The following KDM6A variants were observed in gnomAD, a reference collection of about 807,000 sequenced individuals.
KDM6A encodes lysine demethylase 6A.
A neutral mutation model predicts 117.6 loss-of-function variants in KDM6A; 11 were observed. The observed-to-expected ratio is 0.09, with a 90% CI of 0.06 to 0.15. The LOEUF is 0.15. Among genes scored for constraint, KDM6A ranks in the 10% least tolerant of loss-of-function variants. KDM6A has a pLI of 1.00. For missense variants in KDM6A, 799 were observed against 1,077.3 expected (o/e 0.74, Z 3.62); for synonymous variants, 384 against 396.1 (o/e 0.97, Z 0.36).
intron 3 of KDM6A, among the ~76,000 whole-genome samples, chrX:44,969,708 G>A (rs2039241263): frequency 9.0e-6 from 1 of 111,232 alleles, no homozygotes; most frequent in African/African-American, 3.3e-5. Context: ...GAGCCACTGC[G>A]CCCGGCCCTC....
chrX:45,082,636 G>A lies in KDM6A; in HGVS notation c.3361G>A (p.Asp1121Asn). 8.5e-7 allele frequency: 1 copy of A among 1,182,044 alleles called. No homozygotes were observed. Among genetic ancestry groups the A allele is most frequent in the South Asian group, 1.8e-5 (1 of 56,266 alleles). The change falls in exon 22 of 30, where the codon GAT becomes AAT. Residue 1121 changes from aspartate (D) to asparagine (N), a missense_variant. Coordinates refer to ENST00000611820, the MANE Select transcript of KDM6A (RefSeq NM_001291415.2). ...DHSDSESTSSDNSGRRRKGPF... is the reference protein window; with the variant it reads ...DHSDSESTSSNNSGRRRKGPF... ...CTCAGATAGTGAATCTACATCGTCA[G>A]ATAAGTAAGTCATTTTTAATGTCCA...
chrX:45,089,683 G>A lies in KDM6A; in HGVS notation c.3705-60G>A, dbSNP rs141013264. The stretch of plus-strand genomic sequence containing the variant: ...AAAAAATTTGTGACATTTTCTTCCA[G>A]TCTTACTAGGAGCTTCTTAATGTAG... On this transcript the variant is annotated intron_variant, in intron 25 of 29. Coordinates refer to ENST00000611820, the MANE Select transcript of KDM6A (RefSeq NM_001291415.2). 2.8e-5 allele frequency: 24 copies of A among 843,365 alleles called. No homozygotes were observed. In the Middle Eastern group the frequency reaches 1.4e-3, roughly 50 times the overall value. 69.5% of individuals were successfully genotyped at this position (843,365 alleles called of 1,213,427 possible). A position where few individuals can be genotyped will look rare whatever the true frequency, so the allele number is the denominator to read the frequency against.
At chrX:45,094,519 G>A (rs773331090) in intron 27 of KDM6A, among the ~76,000 whole-genome samples, 4 of 111,814 alleles carry the variant, frequency 3.6e-5, no homozygotes, top group South Asian at 3.7e-4. Context: ...GCACAGTTAC[G>A]TTTTCATCCA....
intron 3 of KDM6A, among the ~76,000 whole-genome samples, chrX:44,966,901 G>A (rs1331615982): frequency 2.3e-5 from 2 of 86,654 alleles, no homozygotes; most frequent in East Asian, 3.4e-4. Context: ...ACAGAGTCTC[G>A]CTCTGTCGCC....
At chrX:44,957,089 C>T (rs1602339418) in intron 2 of KDM6A, among the ~76,000 whole-genome samples, 2 of 109,965 alleles carry the variant, frequency 1.8e-5, no homozygotes, top group East Asian at 5.7e-4. Context: ...GAGACCACAC[C>T]GTTGCACTCC....
intron 8 of KDM6A, among the ~76,000 whole-genome samples, chrX:45,042,815 A>T (rs779887676): frequency 1.8e-5 from 2 of 111,773 alleles, no homozygotes; most frequent in Non-Finnish European, 3.8e-5. Context: ...CCCACTAATA[A>T]ATGAAGAAGG....
In KDM6A at chrX:44,873,599, C is replaced by T. The variant is rs772375300; in HGVS notation, c.48C>T (p.Ala16=). 1.7e-6 allele frequency: 2 copies of T among 1,205,882 alleles called. No homozygotes were observed. The highest frequency in any genetic ancestry group is 2.2e-6 in the Non-Finnish European group (2 of 893,287). ...VSLATAAAAA[A]AFGDEEKKMA... Reference sequence around the variant, plus strand: ...TCGCTACCGCCGCCGCTGCCGCCGCCGCTTTCGGTGATGAGGAAAAGAAAA... The same window carrying T: ...TCGCTACCGCCGCCGCTGCCGCCGCTGCTTTCGGTGATGAGGAAAAGAAAA... Residue 16 remains alanine, a synonymous_variant, in exon 1 of 30, where the codon GCC becomes GCT. Coordinates refer to ENST00000611820, the MANE Select transcript of KDM6A (RefSeq NM_001291415.2).
Position 45,063,827 on chromosome X carries a change from G to A in KDM6A, c.2079+10G>A, listed in dbSNP as rs774487550. On this transcript the variant is annotated intron_variant, in intron 17 of 29. Transcript: ENST00000611820. ...ATCTAACTCCACTCAGGTAATAGGA[G>A]GACTAGCTTCCTTGTTGGCTTTTCA... is the stretch of plus-strand genomic sequence containing the variant. 2 of 1,181,568 alleles carry A rather than the reference G, an allele frequency of 1.7e-6. No individual in the cohort carries two copies. Among genetic ancestry groups the A allele is most frequent in the Non-Finnish European group, 2.3e-6 (2 of 876,619 alleles).
At chrX:45,046,210 T>TA (rs2043530702) in intron 8 of KDM6A, among the ~76,000 whole-genome samples, 1 of 111,938 alleles carries the variant, frequency 8.9e-6, no homozygotes, top group African/African-American at 3.2e-5. Flanking sequence ...CAAATTATTA[T>TA]CACCATAGAT....
rs185310350 is a variant in KDM6A at position 44,960,109 on chromosome X, G to C, written c.226-1175G>C. Among the ~76,000 whole-genome samples the C allele has an allele frequency of 1.6e-4, 18 of 111,749 alleles. No homozygotes were observed. In the East Asian group the frequency reaches 3.6e-3, roughly 22 times the overall value. ...GAGGAAAAATGAAGGCATTCGAAGTGAGTACTCTGTCCCACATCACATTTT... is the reference window on the plus strand; with the variant it reads ...GAGGAAAAATGAAGGCATTCGAAGTCAGTACTCTGTCCCACATCACATTTT... On this transcript the variant is annotated intron_variant, in intron 2 of 29. Transcript: ENST00000611820.
chrX:45,105,283 AT>A (rs903642166), intron 27 of KDM6A, among the ~76,000 whole-genome samples: 11 of 111,944 alleles, frequency 9.8e-5, no homozygotes, highest in Admixed American at 9.5e-4. Context: ...CTTTTTCCCC[AT>A]TTGCAAGATA....
intron 2 of KDM6A, among the ~76,000 whole-genome samples, chrX:44,906,697 C>CGAGAGA (rs768809117): frequency 9.3e-6 from 1 of 107,775 alleles, no homozygotes; most frequent in Non-Finnish European, 1.9e-5. Context: ...AGAGAGAGAG[C>CGAGAGA]GAGAGAGAGA....
chrX:44,905,357 C>T (rs764145057), intron 2 of KDM6A, among the ~76,000 whole-genome samples: 1 of 112,311 alleles, frequency 8.9e-6, no homozygotes, highest in South Asian at 3.6e-4. Flanking sequence ...ATATTTACCA[C>T]TGTGTTACAT....
rs971412556 is a variant in KDM6A, at chrX:45,052,452, T to A, written c.748+650T>A. On this transcript the variant is annotated intron_variant, in intron 9 of 29. Transcript: ENST00000611820. ...CATTGTAGCAGTATGAATGTTTTCATAATGTAACTATTTTTACATAGTTTT... is the reference window on the plus strand; with the variant it reads ...CATTGTAGCAGTATGAATGTTTTCAAAATGTAACTATTTTTACATAGTTTT... Among the ~76,000 whole-genome samples the A allele has an allele frequency of 3.6e-5, 4 of 112,210 alleles. No individual in the cohort carries two copies. The Admixed American group carries it at 3.8e-4, about 11-fold the overall frequency.
chrX:45,078,054 T>C (rs1287640190), intron 19 of KDM6A, among the ~76,000 whole-genome samples: 1 of 112,449 alleles, frequency 8.9e-6, no homozygotes, highest in African/African-American at 3.2e-5. Flanking sequence ...TTATTTCACT[T>C]AACATAATGT....
At chrX:45,012,161 A>T (rs2041787627) in intron 5 of KDM6A, among the ~76,000 whole-genome samples, 1 of 106,624 alleles carries the variant, frequency 9.4e-6, no homozygotes, top group African/African-American at 3.4e-5. Context: ...ATCAAGTGAG[A>T]TACAGTACAT....
At chrX:45,035,498 AT>A (rs1223169629) in intron 7 of KDM6A, among the ~76,000 whole-genome samples, 1 of 110,928 alleles carries the variant, frequency 9.0e-6, no homozygotes, top group Non-Finnish European at 1.9e-5. Flanking sequence ...CTAACAAAGT[AT>A]TTTTTTCCAA....
chrX:45,073,380 A>G (rs1175331648), intron 18 of KDM6A, among the ~76,000 whole-genome samples: 3 of 111,712 alleles, frequency 2.7e-5, no homozygotes, highest in Non-Finnish European at 3.8e-5. Flanking sequence ...TCCTCTGGGT[A>G]TATACCCAGT....
chrX:44,931,702 G>A (rs1376555274), intron 2 of KDM6A, among the ~76,000 whole-genome samples: 2 of 111,408 alleles, frequency 1.8e-5, no homozygotes, highest in African/African-American at 6.5e-5. Context: ...TCAAGGGCTG[G>A]GGGGAGTTGT....
Sources: gnomAD v4.1 joint callset for allele counts (sites outside exome capture counted in the v4.1 genomes callset) on GRCh38, gnomAD v4.1.1 for gene constraint, MANE v1.5 for transcripts, NCBI Gene and HGNC (gene_info 2026-07-23, HGNC 2026-07-21) for gene names.